Variants in SLIRP observed in about 807,000 individuals in gnomAD.
SLIRP encodes the protein SRA stem-loop-interacting RNA-binding protein, mitochondrial.
SLIRP carries 12 observed loss-of-function variants against 13.4 expected under a neutral mutation model. That is an observed-to-expected ratio of 0.89 (90% confidence interval 0.57 to 1.45). The LOEUF is 1.45. Among genes scored for constraint, SLIRP ranks in the 40% most tolerant of loss-of-function variants. SLIRP has a pLI of 0.00. For synonymous variants in SLIRP, 55 were observed against 47.1 expected (o/e 1.17, Z -0.69); for missense variants, 154 against 132.2 (o/e 1.17, Z -0.81).
chr14:77,716,880 A>G (rs1435129597), intron 3 of SLIRP, among the ~76,000 whole-genome samples: 17 of 151,608 alleles, frequency 1.1e-4, no homozygotes, highest in Admixed American at 9.9e-4. Flanking sequence ...TCCTGCCTCA[A>G]CCTCCCGAGT....
chr14:77,715,707 A>C, intron 2 of SLIRP, 65 bp from the exon 3 acceptor site: 1 of 1,356,836 alleles, frequency 7.4e-7, no homozygotes. Flanking sequence ...TGGTAGTTTG[A>C]TTTGGAACTC....
intron 2 of SLIRP, among the ~76,000 whole-genome samples, chr14:77,711,532 C>T (rs1339421141): frequency 6.6e-6 from 1 of 151,702 alleles, no homozygotes; most frequent in Non-Finnish European, 1.5e-5. Context: ...TTTCGCCATA[C>T]TGTCCAGACT....
At chr14:77,716,735 G>A (rs2080485863) in intron 3 of SLIRP, among the ~76,000 whole-genome samples, 1 of 151,012 alleles carries the variant, frequency 6.6e-6, no homozygotes, top group South Asian at 2.1e-4. Context: ...TGGGTAGCAA[G>A]ATATGTAACA....
At position 77,715,895 on chromosome 14, in the gene SLIRP, T is replaced by C. The variant is rs571126488; in HGVS notation, c.264+16T>C. On this transcript the variant is annotated intron_variant, in intron 3 of 3. Transcript: ENST00000557342. ...TGGAGTAAAGGTAAATTTATTTCTA[T>C]GCCAGATACATACATGATATACATG... 3.2e-6 allele frequency: 5 copies of C among 1,564,314 alleles called. No homozygotes were observed. The African/African-American group carries it at 6.8e-5, about 21-fold the overall frequency.
chr14:77,713,095 C>T (rs1254243144), intron 2 of SLIRP, among the ~76,000 whole-genome samples: 1 of 152,184 alleles, frequency 6.6e-6, no homozygotes, highest in Non-Finnish European at 1.5e-5. Flanking sequence ...TCTTAGAATT[C>T]TGCCTACTAC....
intron 3 of SLIRP, among the ~76,000 whole-genome samples, chr14:77,717,115 C>G (rs2080491479): frequency 6.6e-6 from 1 of 152,030 alleles, no homozygotes; most frequent in South Asian, 2.1e-4. Flanking sequence ...CTTGGCTTAC[C>G]CACCATGTGA....
At chr14:77,713,753 TGAATA>T (rs1478345518) in intron 2 of SLIRP, among the ~76,000 whole-genome samples, 3 of 152,172 alleles carry the variant, frequency 2.0e-5, no homozygotes, top group South Asian at 2.1e-4. Context: ...TTTATATAGT[TGAATA>T]GAAAAGTTGG....
chr14:77,715,992 TA>T, intron 3 of SLIRP, 113 bp downstream of exon 3: 2 of 871,806 alleles, frequency 2.3e-6, no homozygotes, highest in Non-Finnish European at 3.6e-6. Context: ...GAGAGATTTG[TA>T]ACTGAAGCTG....
At chr14:77,710,921 G>A in intron 2 of SLIRP, 25 bp downstream of exon 2, 3 of 1,611,260 alleles carry the variant, frequency 1.9e-6, no homozygotes, top group Non-Finnish European at 2.5e-6. Context: ...AAAGTAGGTG[G>A]GAGGTGGGGA....
At chr14:77,710,537 A>T (rs533245794) in intron 1 of SLIRP, 8 of 1,371,858 alleles carry the variant, frequency 5.8e-6, no homozygotes, top group Non-Finnish European at 7.7e-6. Flanking sequence ...CTTTTTCTTC[A>T]TTGTGATCTG....
At chr14:77,716,810 A>G (rs2080487045) in intron 3 of SLIRP, among the ~76,000 whole-genome samples, 1 of 151,930 alleles carries the variant, frequency 6.6e-6, no homozygotes, top group African/African-American at 2.4e-5. Context: ...TGCCCAGGCT[A>G]GAGTGCAATG....
At position 77,715,765 on chromosome 14, in the gene SLIRP, T is replaced by G. The variant is rs1347248437; in HGVS notation, c.157-7T>G. 2.5e-6 allele frequency: 4 copies of G among 1,604,612 alleles called. No individual in the cohort carries two copies. The East Asian group carries it at 6.7e-5, about 27-fold the overall frequency. On this transcript the variant is annotated splice_polypyrimidine_tract_variant and splice_region_variant and intron_variant, in intron 2 of 3. Transcript: ENST00000557342. ...GATTAATCTTTTCCTATATTTTGAA[T>G]TTTTAGGACAAGGAGACTGGCTTTC...
intron 2 of SLIRP, among the ~76,000 whole-genome samples, chr14:77,715,361 T>C (rs176956): frequency 0.65 from 99,409 of 152,088 alleles, 32,793 homozygotes; most frequent in African/African-American, 0.72. Flanking sequence ...ATCCGATTTT[T>C]GGCTGGGCAT....
At chr14:77,710,252 A>G (rs1175072781) in intron 1 of SLIRP, among the ~76,000 whole-genome samples, 2 of 152,130 alleles carry the variant, frequency 1.3e-5, no homozygotes, top group African/African-American at 4.8e-5. Context: ...GTCTTGAAGG[A>G]TAGTTATAGT....
chr14:77,711,254 TATAA>T, intron 2 of SLIRP, among the ~76,000 whole-genome samples: 1 of 148,290 alleles, frequency 6.7e-6, no homozygotes, highest in East Asian at 1.9e-4. Context: ...TATAAATATA[TATAA>T]ATATATACCC....
At chr14:77,716,937 G>C (rs2080489152) in intron 3 of SLIRP, among the ~76,000 whole-genome samples, 1 of 151,752 alleles carries the variant, frequency 6.6e-6, no homozygotes, top group African/African-American at 2.4e-5. Context: ...AATTTTTTTT[G>C]TATTTTTAGT....
intron 2 of SLIRP, among the ~76,000 whole-genome samples, chr14:77,714,565 T>G (rs176954): frequency 0.65 from 99,464 of 152,142 alleles, 32,810 homozygotes; most frequent in African/African-American, 0.72. Flanking sequence ...CCTCCCAAAG[T>G]GCTGGGATTG....
intron 1 of SLIRP, among the ~76,000 whole-genome samples, 155 bp downstream of exon 1, chr14:77,708,363 A>G (rs1167832462): frequency 6.6e-6 from 1 of 152,212 alleles, no homozygotes; most frequent in Non-Finnish European, 1.5e-5. Flanking sequence ...GTTTGCAGTT[A>G]ACCGTTTAGG....
chr14:77,712,469 G>A (rs2080448071), intron 2 of SLIRP, among the ~76,000 whole-genome samples: 1 of 114,726 alleles, frequency 8.7e-6, no homozygotes, highest in African/African-American at 3.5e-5. Flanking sequence ...TTTTGAGACG[G>A]AGTCTCACTC....
Sources: gnomAD v4.1 joint callset for allele counts (sites outside exome capture counted in the v4.1 genomes callset) on GRCh38, gnomAD v4.1.1 for gene constraint, MANE v1.5 for transcripts, NCBI Gene and HGNC (gene_info 2026-07-23, HGNC 2026-07-21) for gene names.